The following FETUB variants were observed in gnomAD, a reference collection of about 807,000 sequenced individuals.
The protein encoded by FETUB is fetuin-B.
FETUB carries 28 observed loss-of-function variants against 30.9 expected under a neutral mutation model. That is an observed-to-expected ratio of 0.90 (90% CI 0.67 to 1.24). The LOEUF is 1.24. FETUB is among the 50% of genes most tolerant of loss of function. FETUB has a pLI of 0.00. For missense variants in FETUB, 469 were observed against 455.3 expected, an observed-to-expected ratio of 1.03 and a Z score of -0.27; for synonymous variants, 186 against 175.9, an observed-to-expected ratio of 1.06 and a Z score of -0.45.
In FETUB at chr3:186,644,759, A is replaced by T; in HGVS notation, c.433A>T (p.Lys145Ter). The T allele has an allele frequency of 6.3e-7, 1 of 1,589,690 alleles. No individual in the cohort carries two copies. Among genetic ancestry groups the T allele is most frequent in the African/African-American group, 1.4e-5 (1 of 73,302 alleles). The change falls in exon 4 of 7, where the codon AAA becomes TAA. Residue 145 changes from lysine to a stop codon, truncating the protein, a stop_gained. Transcript: ENST00000265029. LOFTEE classifies it high-confidence loss of function. ...GTTATTGGCATCAACAGTTTCAAAA[A>T]AAAAGATTTACATGACGTGCCCTGA... Reference protein sequence around the residue: ...YNCTLRPVSKKKIYMTCPDCP... With the variant: ...YNCTLRPVSK
intron 1 of FETUB, 27 bp downstream of exon 1, chr3:186,640,712 G>A (rs760481012): frequency 6.3e-7 from 1 of 1,587,996 alleles, no homozygotes; most frequent in Non-Finnish European, 8.6e-7. Flanking sequence ...CCCACTCTGG[G>A]GCAGGGATGT....
intron 5 of FETUB, among the ~76,000 whole-genome samples, chr3:186,649,734 G>C (rs913541050): frequency 6.6e-6 from 1 of 152,190 alleles, no homozygotes; most frequent in Non-Finnish European, 1.5e-5. Flanking sequence ...GCCTCCAAAA[G>C]TGCTGGGATT....
chr3:186,639,244 C>T (rs1716868332), upstream of FETUB, among the ~76,000 whole-genome samples: 1 of 152,182 alleles, frequency 6.6e-6, no homozygotes, highest in Non-Finnish European at 1.5e-5. Context: ...TTATCAGGAA[C>T]TCACTTTCAA....
At chr3:186,644,368 G>A (rs1423856233) in intron 3 of FETUB, among the ~76,000 whole-genome samples, 1 of 152,100 alleles carries the variant, frequency 6.6e-6, no homozygotes, top group Non-Finnish European at 1.5e-5. Context: ...TATGATGTTC[G>A]GTGTTAGGAA....
intron 5 of FETUB, chr3:186,647,228 A>G (rs534161411): frequency 1.3e-5 from 2 of 152,110 alleles, no homozygotes; most frequent in Non-Finnish European, 2.9e-5. Flanking sequence ...TATTGCATAG[A>G]TATTGTTTAT....
At chr3:186,650,014 G>T (rs1317953185) in intron 5 of FETUB, among the ~76,000 whole-genome samples, 1 of 151,916 alleles carries the variant, frequency 6.6e-6, no homozygotes, top group Non-Finnish European at 1.5e-5. Context: ...GGGTGTGTGT[G>T]TGTGTGCACA....
chr3:186,650,855 G>A (rs192974223), intron 5 of FETUB, among the ~76,000 whole-genome samples: 4 of 152,268 alleles, frequency 2.6e-5, no homozygotes, highest in East Asian at 3.9e-4. Flanking sequence ...CAGGTGGAAC[G>A]CACTTAAAGG....
At position 186,640,672 on chromosome 3, in the gene FETUB, A is replaced by G; in HGVS notation, c.212A>G (p.Gln71Arg). The G allele has an allele frequency of 1.2e-6, 2 of 1,613,728 alleles. No individual in the cohort carries two copies. The highest frequency in any genetic ancestry group is 8.5e-7 in the Non-Finnish European group (1 of 1,179,628). The change falls in exon 1 of 7, where the codon CAG becomes CGG. Residue 71 changes from glutamine to arginine, a missense_variant. Coordinates refer to ENST00000265029, the MANE Select transcript of FETUB (RefSeq NM_014375.3). ...VLRLNRVNDA[Q>R]EYRRGGLGSL... ...AGACTCAACCGAGTGAACGACGCCC[A>G]GGAATACAGACGGGCAAGTAGGGAC... is the stretch of plus-strand genomic sequence containing the variant.
At position 186,640,651 on chromosome 3, in the gene FETUB, T is replaced by C; in HGVS notation, c.191T>C (p.Leu64Pro). The C allele has an allele frequency of 6.2e-7, 1 of 1,614,032 alleles. No individual in the cohort carries two copies. The highest frequency in any genetic ancestry group is 8.5e-7 in the Non-Finnish European group (1 of 1,179,948). The change falls in exon 1 of 7, where the codon CTC (leucine) becomes CCC (proline). Residue 64 changes from leucine to proline, a missense_variant. By Grantham distance (98) the Leu-to-Pro change is moderately conservative (BLOSUM62 -3). Coordinates refer to ENST00000265029, the MANE Select transcript of FETUB (RefSeq NM_014375.3). ...KDRKDGYVLR[L>P]NRVNDAQEYR... ...AGAAAGGATGGCTATGTGCTGAGAC[T>C]CAACCGAGTGAACGACGCCCAGGAA... is the stretch of plus-strand genomic sequence containing the variant.
At chr3:186,643,319 G>T (rs1717224961) in intron 3 of FETUB, among the ~76,000 whole-genome samples, 1 of 152,194 alleles carries the variant, frequency 6.6e-6, no homozygotes, top group African/African-American at 2.4e-5. Flanking sequence ...ATATGCACAT[G>T]CATTCATTTG....
chr3:186,652,222 T>C, intron 6 of FETUB, 41 bp from the exon 7 acceptor site: 2 of 1,523,732 alleles, frequency 1.3e-6, no homozygotes, highest in Non-Finnish European at 1.8e-6. Context: ...TGGGAGGACT[T>C]TCCCTGTGGA....
In FETUB at chr3:186,642,515, T is replaced by C. The variant is rs765490655; in HGVS notation, c.381T>C (p.Ser127=). 3 of 1,610,006 alleles carry C rather than the reference T, an allele frequency of 1.9e-6. No homozygotes were observed. The highest frequency in any genetic ancestry group is 3.3e-5 in the Admixed American group (2 of 59,848). The change falls in exon 3 of 7, where the codon AGT becomes AGC. Residue 127 remains serine (S), a synonymous_variant. Transcript: ENST00000265029. ...CKAIFYMNNP[S]RVLYLAAYNC... ...CAATATTTTATATGAACAACCCAAG[T>C]AGAGTTCTCTATTTAGCTGCTTATA... is the stretch of plus-strand genomic sequence containing the variant.
intron 4 of FETUB, among the ~76,000 whole-genome samples, chr3:186,645,405 C>A (rs1283806506): frequency 6.6e-6 from 1 of 152,086 alleles, no homozygotes; most frequent in Non-Finnish European, 1.5e-5. Flanking sequence ...GACAGAGACA[C>A]TCTGTCACCC....
At chr3:186,638,830 T>G (rs1215168305), upstream of FETUB, among the ~76,000 whole-genome samples, 1 of 152,206 alleles carries the variant, frequency 6.6e-6, no homozygotes, top group Admixed American at 6.5e-5. Context: ...AATGAATGTT[T>G]GTCTCCTCAC....
intron 5 of FETUB, among the ~76,000 whole-genome samples, chr3:186,650,830 T>C (rs942647394): frequency 1.3e-5 from 2 of 152,208 alleles, no homozygotes; most frequent in Non-Finnish European, 1.5e-5. Context: ...TGGTTTTGTC[T>C]GAGAAGAGAA....
At chr3:186,639,739 G>C (rs548704124), upstream of FETUB, among the ~76,000 whole-genome samples, 11 of 150,298 alleles carry the variant, frequency 7.3e-5, no homozygotes, top group South Asian at 1.7e-3. Context: ...CTTTTAGCAA[G>C]AGTATGGGGC....
upstream of FETUB, among the ~76,000 whole-genome samples, chr3:186,639,692 C>A (rs527401573): frequency 3.6e-4 from 53 of 146,274 alleles, no homozygotes; most frequent in African/African-American, 1.0e-3. Flanking sequence ...AGAGTCCCAA[C>A]CAATGTGTTG....
intron 2 of FETUB, chr3:186,641,606 G>A (rs1323983983): frequency 6.5e-6 from 1 of 152,984 alleles, no homozygotes; most frequent in Non-Finnish European, 1.5e-5. Context: ...GCTCTCAAGG[G>A]CGCCGTGTAA....
At chr3:186,640,916 G>T (rs1579032033) in intron 1 of FETUB, 114 bp from the exon 2 acceptor site, 2 of 718,416 alleles carry the variant, frequency 2.8e-6, no homozygotes, top group South Asian at 1.7e-5. Flanking sequence ...TGGTTTACGG[G>T]GAATCTTCAC....
Sources: gnomAD v4.1 joint callset for allele counts (sites outside exome capture counted in the v4.1 genomes callset) on GRCh38, gnomAD v4.1.1 for gene constraint, MANE v1.5 for transcripts, NCBI Gene and HGNC (gene_info 2026-07-23, HGNC 2026-07-21) for gene names.